ADA: variants seen among roughly 807,000 people sequenced by gnomAD.
The protein encoded by ADA is adenosine aminohydrolase.
A neutral mutation model predicts 49.0 loss-of-function variants in ADA; 45 were observed. The observed-to-expected ratio is 0.92, with a 90% CI of 0.72 to 1.18. The LOEUF is 1.18. ADA is among the 50% of genes most tolerant of loss of function. ADA has a pLI of 0.00. For synonymous variants in ADA, 173 were observed against 184.2 expected (o/e 0.94, Z 0.49); for missense variants, 445 against 472.5 (o/e 0.94, Z 0.54).
In ADA at chr20:44,648,579, G is replaced by A. The variant is rs565998300; in HGVS notation, c.33+2996C>T. On this transcript the variant is annotated intron_variant, in intron 1 of 11. Transcript: ENST00000372874. ...AACTGCATGATTTGCAAGTGGTTGC[G>A]GTTCTTCTGCTCAGTCTGCCGCCAC... 1.7e-4 allele frequency among the ~76,000 whole-genome samples: 26 copies of A among 152,098 alleles called. 1 individual carries two copies. Among genetic ancestry groups the A allele is most frequent in the African/African-American group, 5.8e-4 (24 of 41,366 alleles).
rs73909565 is a variant in ADA, at chr20:44,624,482, A to G, written c.479-153T>C. Among the ~76,000 whole-genome samples the G allele has an allele frequency of 7.5e-3, 1,139 of 152,314 alleles. 14 individuals are homozygous for G. The highest frequency in any genetic ancestry group is 0.025 in the African/African-American group (1,057 of 41,568). On this transcript the variant is annotated intron_variant, in intron 5 of 11. Transcript: ENST00000372874. The stretch of plus-strand genomic sequence containing the variant: ...ATCCTAACTGCTATGTCCTAACCAC[A>G]TGGCCTGCGGAAAACTGCTCTGCTT...
chr20:44,620,402 C>G lies in ADA; in HGVS notation c.976-1G>C, dbSNP rs912914100. On this transcript the variant is annotated splice_acceptor_variant, in intron 10 of 11. Coordinates refer to ENST00000372874, the MANE Select transcript of ADA (RefSeq NM_000022.4). LOFTEE classifies it high-confidence loss of function. Reference sequence around the variant, plus strand: ...AACTAGATTTGGCCGCATTGATGTTCTGGAAAGGCCAGAATGGCAGACAAC... The same window carrying G: ...AACTAGATTTGGCCGCATTGATGTTGTGGAAAGGCCAGAATGGCAGACAAC... The G allele has an allele frequency of 5.6e-6, 9 of 1,613,732 alleles. No homozygotes were observed. Among genetic ancestry groups the G allele is most frequent in the Non-Finnish European group, 7.6e-6 (9 of 1,179,612 alleles).
At chr20:44,641,144 G>C (rs970272111) in intron 1 of ADA, among the ~76,000 whole-genome samples, 4 of 152,170 alleles carry the variant, frequency 2.6e-5, no homozygotes, top group African/African-American at 9.7e-5. Context: ...GCAGGCACTG[G>C]GGGCTTCAGA....
chr20:44,624,024 G>T, intron 6 of ADA, 178 bp downstream of exon 6: 1 of 856,180 alleles, frequency 1.2e-6, no homozygotes, highest in Non-Finnish European at 1.8e-6. Flanking sequence ...GGGATCACAG[G>T]CATGAACCAC....
chr20:44,636,331 G>GAACA, intron 1 of ADA, 43 bp from the exon 2 acceptor site: 1 of 1,467,090 alleles, frequency 6.8e-7, no homozygotes, highest in South Asian at 1.2e-5. Context: ...GGGAGAGAGA[G>GAACA]AACAAATACC....
At chr20:44,625,205 A>G (rs1568845125) in intron 5 of ADA, among the ~76,000 whole-genome samples, 1 of 152,132 alleles carries the variant, frequency 6.6e-6, no homozygotes, top group Non-Finnish European at 1.5e-5. Context: ...AATCTTGGAA[A>G]TCAGACCTAT....
chr20:44,643,357 C>A (rs2065555918), intron 1 of ADA, among the ~76,000 whole-genome samples: 1 of 152,220 alleles, frequency 6.6e-6, no homozygotes, highest in Non-Finnish European at 1.5e-5. Flanking sequence ...TAGTCTGATT[C>A]TTGAGCTCCT....
In ADA at chr20:44,622,881, A is replaced by T; in HGVS notation, c.728T>A (p.Leu243Gln). The T allele has an allele frequency of 6.2e-7, 1 of 1,614,226 alleles. No individual in the cohort carries two copies. Residue 243 changes from leucine to glutamine, a missense_variant, in exon 8 of 12, where the codon CTG (leucine) becomes CAG (glutamine). Leu to Gln is a moderately radical substitution (Grantham distance 113). Coordinates refer to ENST00000372874, the MANE Select transcript of ADA (RefSeq NM_000022.4). ...TERLGHGYHT[L>Q]EDQALYNRLR... is the part of the protein sequence containing the mutation. ...CCTGTTATAAAGGGCCTGGTCTTCC[A>T]GGGTGTGGTAGCCGTGTCCCAGCCG...
chr20:44,637,087 G>A (rs2065487850), intron 1 of ADA, among the ~76,000 whole-genome samples: 1 of 152,172 alleles, frequency 6.6e-6, no homozygotes, highest in African/African-American at 2.4e-5. Flanking sequence ...TTACAGGTAT[G>A]TGCCACCGCA....
intron 1 of ADA, among the ~76,000 whole-genome samples, chr20:44,645,172 C>T (rs962339353): frequency 1.3e-5 from 2 of 151,952 alleles, no homozygotes; most frequent in African/African-American, 4.8e-5. Flanking sequence ...CACTTGAGGC[C>T]AGGAGTTTGA....
chr20:44,623,389 G>C (rs757167109), intron 6 of ADA, among the ~76,000 whole-genome samples: 1 of 152,254 alleles, frequency 6.6e-6, no homozygotes, highest in Non-Finnish European at 1.5e-5. Context: ...GGTCAGACAG[G>C]AAGTGTGGAA....
At chr20:44,623,636 G>A (rs2065353022) in intron 6 of ADA, among the ~76,000 whole-genome samples, 1 of 149,490 alleles carries the variant, frequency 6.7e-6, no homozygotes, top group African/African-American at 2.6e-5. Context: ...CCAAGTGGAG[G>A]CTTTTCTTTC....
intron 1 of ADA, among the ~76,000 whole-genome samples, chr20:44,644,202 C>G (rs1175171742): frequency 4.0e-5 from 6 of 151,682 alleles, no homozygotes; most frequent in Middle Eastern, 3.4e-3. Context: ...GGTTTGCCTC[C>G]CAAACACATC....
intron 1 of ADA, among the ~76,000 whole-genome samples, chr20:44,644,447 G>GC (rs2145354702): frequency 6.6e-6 from 1 of 152,236 alleles, no homozygotes; most frequent in South Asian, 2.1e-4. Context: ...GGGCTGACCT[G>GC]CCCCCATGGG....
intron 1 of ADA, among the ~76,000 whole-genome samples, chr20:44,645,001 G>C (rs1210204700): frequency 6.6e-6 from 1 of 152,208 alleles, no homozygotes; most frequent in Non-Finnish European, 1.5e-5. Context: ...GCATACCACA[G>C]CCAGGAAGCT....
At position 44,626,520 on chromosome 20, in the gene ADA, C is replaced by A. The variant is rs1386689344; in HGVS notation, c.298G>T (p.Val100Leu). ...GCCAGCAGGTGCGGACTGTACCGCA[C>A]CTCCACATACACCACGCCCTCTTTG... ...KAKEGVVYVE[V>L]RYSPHLLANS... Residue 100 changes from valine (V) to leucine (L), a missense_variant, in exon 4 of 12, where the codon GTG (valine) becomes TTG (leucine). By Grantham distance (32) the Val-to-Leu change is conservative (BLOSUM62 1). Transcript: ENST00000372874. 1 of 1,614,212 alleles carries A rather than the reference C, an allele frequency of 6.2e-7. No individual in the cohort carries two copies. The highest frequency in any genetic ancestry group is 8.5e-7 in the Non-Finnish European group (1 of 1,180,044).
intron 3 of ADA, among the ~76,000 whole-genome samples, chr20:44,627,338 C>T (rs867632569): frequency 5.9e-5 from 9 of 152,240 alleles, no homozygotes; most frequent in African/African-American, 9.6e-5. Flanking sequence ...CATGCCACCA[C>T]GCCCGGCTAA....
rs536103858 is a variant in ADA, at chr20:44,625,673, G to A, written c.374C>T (p.Thr125Ile). 6.4e-7 allele frequency: 1 copy of A among 1,563,110 alleles called. No homozygotes were observed. The highest frequency in any genetic ancestry group is 1.2e-5 in the South Asian group (1 of 84,914). Residue 125 changes from threonine (T) to isoleucine (I), a missense_variant, in exon 5 of 12, where the codon ACC becomes ATC. Thr to Ile is a moderately conservative substitution (Grantham distance 89). Transcript: ENST00000372874. The part of the protein sequence containing the change: ...IPWNQAEGDL[T>I]PDEVVALVGQ... ...CACTAGGGCCACCACCTCGTCTGGG[G>A]TGAGGTCCCCTCTGTGTGAGGAGAG...
chr20:44,651,676 C>T lies in ADA; in HGVS notation c.-69G>A, dbSNP rs1486214672. The T allele has an allele frequency of 2.1e-6, 3 of 1,443,718 alleles. No homozygotes were observed. Among genetic ancestry groups the T allele is most frequent in the Admixed American group, 2.6e-5 (1 of 38,148 alleles). 89.4% of individuals were successfully genotyped at this position (1,443,718 alleles called of 1,614,324 possible). A position where few individuals can be genotyped will look rare whatever the true frequency, so the allele number is the denominator to read the frequency against. On this transcript the variant is annotated 5_prime_UTR_variant, in exon 1 of 12. Coordinates refer to ENST00000372874, the MANE Select transcript of ADA (RefSeq NM_000022.4). ...GGTGGGTCTCTGCCGGCTCGGTGGC[C>T]GCTCGGCTTTCCCTGGGGCCAGCGG...
Sources: gnomAD v4.1 joint callset for allele counts (sites outside exome capture counted in the v4.1 genomes callset) on GRCh38, gnomAD v4.1.1 for gene constraint, MANE v1.5 for transcripts, NCBI Gene and HGNC (gene_info 2026-07-23, HGNC 2026-07-21) for gene names.